NFKB2: variants seen among roughly 807,000 people sequenced by gnomAD.
NFKB2 encodes the protein nuclear factor kappa B subunit 2.
Under a neutral mutation model 109.3 loss-of-function variants are expected in NFKB2, and 21 were observed. That is an observed-to-expected ratio of 0.19 (90% CI 0.14 to 0.28). The LOEUF is 0.28. NFKB2 is among the 10% of genes least tolerant of loss of function. NFKB2 has a pLI of 1.00. For synonymous variants in NFKB2, 478 were observed against 489.9 expected (o/e 0.98, Z 0.32); for missense variants, 806 against 1,185.3 (o/e 0.68, Z 4.70).
Position 102,400,210 on chromosome 10 carries a change from C to G in NFKB2, c.1584+16C>G, listed in dbSNP as rs1177259038. 1.2e-6 allele frequency: 2 copies of G among 1,614,006 alleles called. No homozygotes were observed. The highest frequency in any genetic ancestry group is 1.3e-5 in the African/African-American group (1 of 75,050). On this transcript the variant is annotated intron_variant, in intron 15 of 22. Coordinates refer to ENST00000661543, the MANE Select transcript of NFKB2 (RefSeq NM_001322934.2). The surrounding 1 kb of genome is among the most constrained non-coding windows in gnomAD (Gnocchi z 6.3). ...CCTGCACCAGGTGCGGGGGCGCCTA[C>G]TGGGGAGGTGGGAGGGGTTGGAAGG... is the stretch of plus-strand genomic sequence containing the variant.
chr10:102,401,987 C>A lies in NFKB2; in HGVS notation c.2467-61C>A. 6.3e-7 allele frequency: 1 copy of A among 1,583,190 alleles called. No homozygotes were observed. Among genetic ancestry groups the A allele is most frequent in the Non-Finnish European group, 8.6e-7 (1 of 1,163,078 alleles). On this transcript the variant is annotated intron_variant, in intron 21 of 22. Coordinates refer to ENST00000661543, the MANE Select transcript of NFKB2 (RefSeq NM_001322934.2). The surrounding 1 kb of genome is among the most constrained non-coding windows in gnomAD (Gnocchi z 4.2). ...ATCTGAGTCCAGGTGCCTCCTTGGC[C>A]CCAGGGCTCCCGAGCACATGCCCTA... is the stretch of plus-strand genomic sequence containing the variant.
At position 102,398,456 on chromosome 10, in the gene NFKB2, A is replaced by G. The variant is rs1477050280; in HGVS notation, c.924A>G (p.Gln308=). The change falls in exon 11 of 23, where the codon CAA becomes CAG. Residue 308 remains glutamine (Q), a synonymous_variant. Transcript: ENST00000661543. The surrounding 1 kb of genome is among the most constrained non-coding windows in gnomAD (Gnocchi z 6.6). ...KIERPVTVFL[Q]LKRKRGGDVS... ...AGCGGCCTGTAACAGTGTTTCTGCA[A>G]CTGAAACGCAAGCGAGGAGGGGACG... 3 of 1,614,064 alleles carry G rather than the reference A, an allele frequency of 1.9e-6. 1 individual carries two copies. The highest frequency in any genetic ancestry group is 2.5e-6 in the Non-Finnish European group (3 of 1,180,036).
chr10:102,394,254 C>T (rs2061059714), upstream of NFKB2: 1 of 152,336 alleles, frequency 6.6e-6, no homozygotes, highest in South Asian at 2.1e-4. Context: ...AGCGGAAGCT[C>T]CCGGCCCGGG....
Position 102,400,569 on chromosome 10 carries a change from A to G in NFKB2, c.1798+78A>G. On this transcript the variant is annotated intron_variant, in intron 16 of 22. Coordinates refer to ENST00000661543, the MANE Select transcript of NFKB2 (RefSeq NM_001322934.2). The surrounding 1 kb of genome is among the most constrained non-coding windows in gnomAD (Gnocchi z 6.3). ...ATCTGGCCAGTGCCCAGAATGGACTATGAGGTGTCGAGATTGAATGGTCAG... is the reference window on the plus strand; with the variant it reads ...ATCTGGCCAGTGCCCAGAATGGACTGTGAGGTGTCGAGATTGAATGGTCAG... 2 of 1,596,480 alleles carry G rather than the reference A, an allele frequency of 1.3e-6. No homozygotes were observed. The highest frequency in any genetic ancestry group is 1.1e-5 in the South Asian group (1 of 89,274).
At chr10:102,399,082 A>AGGC in intron 12 of NFKB2, 1 of 715,606 alleles carries the variant, frequency 1.4e-6, no homozygotes, top group East Asian at 2.7e-5. Context: ...GCATGGTGGC[A>AGGC]GGCGCCTGTA....
In NFKB2 at chr10:102,401,906, C is replaced by G; in HGVS notation, c.2455C>G (p.Arg819Gly). Reference protein sequence around the residue: ...QTTSPSGSLLRSYELAGGDLA... With the variant: ...QTTSPSGSLLGSYELAGGDLA... ...AACCTCACCCAGTGGCAGCCTCCTG[C>G]GCAGCTACGAGGTGGGTTGGCCTGT... Residue 819 changes from arginine to glycine, a missense_variant, in exon 21 of 23, where the codon CGC (arginine) becomes GGC (glycine). By Grantham distance (125) the Arg-to-Gly change is moderately radical. Coordinates refer to ENST00000661543, the MANE Select transcript of NFKB2 (RefSeq NM_001322934.2). The surrounding 1 kb of genome is among the most constrained non-coding windows in gnomAD (Gnocchi z 4.2). The G allele has an allele frequency of 6.2e-7, 1 of 1,611,758 alleles. No homozygotes were observed. The highest frequency in any genetic ancestry group is 2.2e-5 in the East Asian group (1 of 44,856).
In NFKB2 at chr10:102,396,635, T is replaced by TG. The variant is rs200498380; in HGVS notation, c.145-90_145-89insG. 2.0e-3 allele frequency: 3,042 copies of TG among 1,559,182 alleles called. 52 individuals carry two copies. In the African/African-American group the frequency reaches 0.037, roughly 19 times the overall value. On this transcript the variant is annotated intron_variant, in intron 4 of 22. Transcript: ENST00000661543. The surrounding 1 kb of genome is among the most constrained non-coding windows in gnomAD (Gnocchi z 5.9). ...CTGCTGCTGATCAGAGTGCTGTAGT[T>TG]TGGTTCAGGGCTACTACCAGGCACT...
chr10:102,401,117 CG>C lies in NFKB2; in HGVS notation c.2072-62del, dbSNP rs1453904606. On this transcript the variant is annotated intron_variant, in intron 18 of 22. Transcript: ENST00000661543. This position sits in a 1 kb window ranked among gnomAD's most constrained non-coding sequence, Gnocchi z 4.2. ...GGGAGAGAGGTGCCTCCCAGTCCCC[CG>C]ACTTTGCAGTCCTTAATGTAGGCCC... The C allele has an allele frequency of 2.5e-6, 4 of 1,610,226 alleles. No individual in the cohort carries two copies. The African/African-American group carries it at 5.3e-5, about 22-fold the overall frequency.
rs1486323952 is a variant in NFKB2, at chr10:102,396,099, G to A, written c.21+119G>A. On this transcript the variant is annotated intron_variant, in intron 2 of 22. Coordinates refer to ENST00000661543, the MANE Select transcript of NFKB2 (RefSeq NM_001322934.2). This position sits in a 1 kb window ranked among gnomAD's most constrained non-coding sequence, Gnocchi z 5.9. ...GCTCGCAGATGCTCTCAGCCTGCCA[G>A]TCTGTCCATCTGTCTGCAACTCTGC... The A allele has an allele frequency of 6.7e-7, 1 of 1,501,304 alleles. No individual in the cohort carries two copies. The highest frequency in any genetic ancestry group is 9.2e-7 in the Non-Finnish European group (1 of 1,084,114). The allele number at this position is 1,501,304 out of a possible 1,614,324, so 93.0% of individuals were successfully genotyped here.
rs368775776 is a variant in NFKB2, at chr10:102,397,286, G to A, written c.396-16G>A. On this transcript the variant is annotated splice_polypyrimidine_tract_variant and intron_variant, in intron 6 of 22. Transcript: ENST00000661543. The surrounding 1 kb of genome is among the most constrained non-coding windows in gnomAD (Gnocchi z 4.7). The stretch of plus-strand genomic sequence containing the variant: ...AAGAACTGCATGGCCAAAGGCCTCC[G>A]ATTCTCTCTTCTCAGATTTAACAAC... 5.4e-5 allele frequency: 87 copies of A among 1,611,148 alleles called. No individual in the cohort carries two copies. Among genetic ancestry groups the A allele is most frequent in the African/African-American group, 8.0e-5 (6 of 74,866 alleles).
At chr10:102,395,659 G>A, upstream of NFKB2, 1 of 472,698 alleles carries the variant, frequency 2.1e-6, no homozygotes, top group Non-Finnish European at 3.8e-6. Context: ...CGCCCCCTCC[G>A]GCCCCGCCTC....
In NFKB2 at chr10:102,397,596, G is replaced by A. The variant is rs760942132; in HGVS notation, c.572G>A (p.Arg191Gln). The change falls in exon 8 of 23, where the codon CGG (arginine) becomes CAG (glutamine). Residue 191 changes from arginine (R) to glutamine (Q), a missense_variant. Around this residue, in one of 10 missense-constraint regions of NFKB2, gnomAD observed 64 missense variants for 177.4 expected, o/e 0.36. Transcript: ENST00000661543. The surrounding 1 kb of genome is among the most constrained non-coding windows in gnomAD (Gnocchi z 4.7). The stretch of plus-strand genomic sequence containing the variant: ...AAGGTGATGGATCTGAGTATAGTGC[G>A]GCTGCGCTTCTCTGCCTTCCTTAGA... The part of the protein sequence containing the change: ...LKKVMDLSIV[R>Q]LRFSAFLRAS... 1 of 1,614,102 alleles carries A rather than the reference G, an allele frequency of 6.2e-7. No homozygotes were observed. The highest frequency in any genetic ancestry group is 8.5e-7 in the Non-Finnish European group (1 of 1,179,968).
In NFKB2 at chr10:102,401,357, G is replaced by C; in HGVS notation, c.2223+26G>C. On this transcript the variant is annotated intron_variant, in intron 19 of 22. Coordinates refer to ENST00000661543, the MANE Select transcript of NFKB2 (RefSeq NM_001322934.2). This position sits in a 1 kb window ranked among gnomAD's most constrained non-coding sequence, Gnocchi z 4.2. ...GTGAGGCCAGCCCGGGACTAGAAGT[G>C]CTCTGAGTGACGGGGTCCAGAGTAT... The C allele has an allele frequency of 6.2e-7, 1 of 1,609,394 alleles. No homozygotes were observed. Among genetic ancestry groups the C allele is most frequent in the Non-Finnish European group, 8.5e-7 (1 of 1,177,112 alleles).
chr10:102,400,528 G>GGGGACCA lies in NFKB2; in HGVS notation c.1798+42_1798+48dup. The GGGGACCA allele has an allele frequency of 6.3e-7, 1 of 1,587,612 alleles. No homozygotes were observed. The highest frequency in any genetic ancestry group is 8.6e-7 in the Non-Finnish European group (1 of 1,166,630). On this transcript the variant is annotated intron_variant, in intron 16 of 22. Transcript: ENST00000661543. This position sits in a 1 kb window ranked among gnomAD's most constrained non-coding sequence, Gnocchi z 6.3. ...ATCTCACCTGACTAAGGGGGCAGGC[G>GGGGACCA]GGGACCAGGGAGGGTATCTGGCCAG...
chr10:102,396,763 C>A lies in NFKB2; in HGVS notation c.183C>A (p.Ser61=), dbSNP rs748167631. The part of the protein sequence containing the change: ...FRFRYGCEGP[S]HGGLPGASSE... Reference sequence around the variant, plus strand: ...TTCGATATGGCTGTGAAGGCCCCTCCCATGGAGGACTGCCCGGTGCCTCCA... The same window carrying A: ...TTCGATATGGCTGTGAAGGCCCCTCACATGGAGGACTGCCCGGTGCCTCCA... The change falls in exon 5 of 23, where the codon TCC becomes TCA. Residue 61 remains serine (S), a synonymous_variant. Coordinates refer to ENST00000661543, the MANE Select transcript of NFKB2 (RefSeq NM_001322934.2). The surrounding 1 kb of genome is among the most constrained non-coding windows in gnomAD (Gnocchi z 5.9). 6.2e-7 allele frequency: 1 copy of A among 1,613,306 alleles called. No individual in the cohort carries two copies. The highest frequency in any genetic ancestry group is 8.5e-7 in the Non-Finnish European group (1 of 1,179,314).
rs936721485 is a variant in NFKB2, at chr10:102,399,707, G to A, written c.1458G>A (p.Glu486=). 8.0e-6 allele frequency: 12 copies of A among 1,491,468 alleles called. No homozygotes were observed. The highest frequency in any genetic ancestry group is 2.0e-4 in the Middle Eastern group (1 of 5,102). The allele number at this position is 1,491,468 out of a possible 1,614,324, so 92.4% of individuals were successfully genotyped here. A position where few individuals can be genotyped will look rare whatever the true frequency, so the allele number is the denominator to read the frequency against. The change falls in exon 14 of 23, where the codon GAG becomes GAA. Residue 486 remains glutamate, a synonymous_variant. Transcript: ENST00000661543. The part of the protein sequence containing the change: ...GQRHLLTAQD[E]NGDTPLHLAI... ...GCCACCTGCTGACGGCGCAGGACGA[G>A]AACGGAGACACGTAGGCAACAGAGG...
chr10:102,401,765 G>A lies in NFKB2; in HGVS notation c.2314G>A (p.Asp772Asn). Residue 772 changes from aspartate to asparagine, a missense_variant, in exon 21 of 23, where the codon GAT becomes AAT. Physicochemically the swap from Asp to Asn is conservative, Grantham distance 23 (BLOSUM62 1). Transcript: ENST00000661543. The surrounding 1 kb of genome is among the most constrained non-coding windows in gnomAD (Gnocchi z 4.2). ...SPAGPGLSLG[D>N]TALQNLEQLL... is the part of the protein sequence containing the mutation. The stretch of plus-strand genomic sequence containing the variant: ...CTAAGGGCCGGGACTGTCACTTGGT[G>A]ATACAGCTCTGCAGAACCTGGAGCA... The A allele has an allele frequency of 6.2e-7, 1 of 1,607,058 alleles. No individual in the cohort carries two copies. The highest frequency in any genetic ancestry group is 8.5e-7 in the Non-Finnish European group (1 of 1,176,238).
Position 102,396,139 on chromosome 10 carries a change from T to C in NFKB2, c.22-114T>C, listed in dbSNP as rs1185930791. ...TGCAACTCTGCCTCCAAAAGGAGCT[T>C]TCTCTTGGGTCTGAGGAGGAGGGGG... On this transcript the variant is annotated intron_variant, in intron 2 of 22. Coordinates refer to ENST00000661543, the MANE Select transcript of NFKB2 (RefSeq NM_001322934.2). This position sits in a 1 kb window ranked among gnomAD's most constrained non-coding sequence, Gnocchi z 5.9. The C allele has an allele frequency of 1.9e-5, 27 of 1,458,692 alleles. No individual in the cohort carries two copies. The highest frequency in any genetic ancestry group is 2.6e-5 in the Non-Finnish European group (27 of 1,050,804). The allele number at this position is 1,458,692 out of a possible 1,614,324, so 90.4% of individuals were successfully genotyped here. A position where few individuals can be genotyped will look rare whatever the true frequency, so the allele number is the denominator to read the frequency against.
chr10:102,397,922 T>C lies in NFKB2; in HGVS notation c.662-59T>C. Reference sequence around the variant, plus strand: ...AGATAAGGAATACAAAGCCCCCAGCTTCTTAAATGTGGCCTTGGCTATTGC... The same window carrying C: ...AGATAAGGAATACAAAGCCCCCAGCCTCTTAAATGTGGCCTTGGCTATTGC... On this transcript the variant is annotated intron_variant, in intron 8 of 22. Transcript: ENST00000661543. This position sits in a 1 kb window ranked among gnomAD's most constrained non-coding sequence, Gnocchi z 4.7. 6.4e-7 allele frequency: 1 copy of C among 1,553,762 alleles called. No homozygotes were observed. Among genetic ancestry groups the C allele is most frequent in the Non-Finnish European group, 8.9e-7 (1 of 1,126,582 alleles).
Sources: gnomAD v4.1 joint callset for allele counts on GRCh38, gnomAD v4.1.1 for gene constraint, gnomAD v4.1.1 regional missense constraint, Gnocchi (gnomAD v3.1) non-coding constraint, MANE v1.5 for transcripts, NCBI Gene and HGNC (gene_info 2026-07-23, HGNC 2026-07-21) for gene names.